Variants in LARGE1 observed in about 807,000 individuals in gnomAD.
LARGE1 encodes the protein xylosyl- and glucuronyltransferase LARGE1.
Under a neutral mutation model 87.6 loss-of-function variants are expected in LARGE1, and 43 were observed. That is an observed-to-expected ratio of 0.49 (90% CI 0.38 to 0.63). The LOEUF is 0.63. Among genes scored for constraint, LARGE1 ranks in the 30% least tolerant of loss-of-function variants. LARGE1 has a pLI of 0.00. For synonymous variants in LARGE1, 434 were observed against 394.6 expected, an observed-to-expected ratio of 1.10 and a Z score of -1.18; for missense variants, 802 against 1,000.2, an observed-to-expected ratio of 0.80 and a Z score of 2.67.
chr22:33,631,263 G>C (rs1336726445), intron 3 of LARGE1, among the ~76,000 whole-genome samples: 1 of 152,052 alleles, frequency 6.6e-6, no homozygotes, highest in Non-Finnish European at 1.5e-5. Flanking sequence ...GAAGTCCTGG[G>C]CTCAAGCAAT....
At chr22:33,417,694 G>A (rs575399421) in intron 7 of LARGE1, among the ~76,000 whole-genome samples, 4 of 152,284 alleles carry the variant, frequency 2.6e-5, no homozygotes, top group South Asian at 2.1e-4. Context: ...GCTCTTGCCC[G>A]GGGCTCTCGG....
intron 1 of LARGE1, among the ~76,000 whole-genome samples, chr22:33,903,323 G>C (rs1159977743): frequency 6.6e-6 from 1 of 152,096 alleles, no homozygotes; most frequent in East Asian, 1.9e-4. Flanking sequence ...CCTGATCTCA[G>C]ACTTCCAGCC....
At chr22:33,170,693 T>C (rs1922520341) in intron 11 of LARGE1, among the ~76,000 whole-genome samples, 2 of 152,204 alleles carry the variant, frequency 1.3e-5, no homozygotes, top group South Asian at 2.1e-4. Flanking sequence ...TCCCCAATCA[T>C]GCAGAACTGT....
At chr22:33,697,257 C>T (rs1322502870) in intron 2 of LARGE1, among the ~76,000 whole-genome samples, 1 of 152,132 alleles carries the variant, frequency 6.6e-6, no homozygotes, top group African/African-American at 2.4e-5. Flanking sequence ...TCTCGTCCTG[C>T]TTATACAGAT....
Position 33,522,248 on chromosome 22 carries a change from G to C in LARGE1, c.787+42600C>G, listed in dbSNP as rs952669549. On this transcript the variant is annotated intron_variant, in intron 6 of 14. Coordinates refer to ENST00000397394, the MANE Select transcript of LARGE1 (RefSeq NM_133642.5). ...GCTGTAACTGTATTACTGAGGAAGA[G>C]CAAGACAAATTTTTGGTGAAGAGTT... 2.0e-5 allele frequency among the ~76,000 whole-genome samples: 3 copies of C among 152,336 alleles called. No homozygotes were observed. In the East Asian group the frequency reaches 5.8e-4, roughly 29 times the overall value.
chr22:33,393,975 C>G (rs2065625184), intron 7 of LARGE1, among the ~76,000 whole-genome samples: 1 of 150,770 alleles, frequency 6.6e-6, no homozygotes, highest in Non-Finnish European at 1.5e-5. Flanking sequence ...AGCAACAGCT[C>G]AGTAATCAAG....
At chr22:33,329,030 G>C (rs1210659582) in intron 10 of LARGE1, among the ~76,000 whole-genome samples, 1 of 152,118 alleles carries the variant, frequency 6.6e-6, no homozygotes, top group Non-Finnish European at 1.5e-5. Context: ...GGCAAGCAGA[G>C]AAAGGTCTTA....
intron 6 of LARGE1, among the ~76,000 whole-genome samples, chr22:33,478,150 C>A (rs1325534262): frequency 2.6e-5 from 4 of 152,158 alleles, no homozygotes; most frequent in Non-Finnish European, 5.9e-5. Flanking sequence ...CCAGAGGGAG[C>A]AATAACATGG....
the LARGE1 span, among the ~76,000 whole-genome samples, chr22:33,144,114 T>C: frequency 1.3e-5 from 2 of 152,210 alleles, no homozygotes; most frequent in Admixed American, 1.3e-4. Context: ...GTTTATTATC[T>C]TTCAACTTTT....
At chr22:33,318,793 A>C (rs1022533560) in intron 10 of LARGE1, among the ~76,000 whole-genome samples, 1 of 148,164 alleles carries the variant, frequency 6.7e-6, no homozygotes, top group Non-Finnish European at 1.5e-5. Flanking sequence ...GGCTGGTTCC[A>C]TTTTTTTTTT....
intron 6 of LARGE1, among the ~76,000 whole-genome samples, chr22:33,532,817 G>C (rs1315928113): frequency 1.3e-5 from 2 of 152,162 alleles, no homozygotes; most frequent in African/African-American, 2.4e-5. Flanking sequence ...TGAGTGCCAA[G>C]TAGTGTTAGG....
At chr22:33,751,008 C>T (rs1374886208) in intron 2 of LARGE1, among the ~76,000 whole-genome samples, 1 of 152,170 alleles carries the variant, frequency 6.6e-6, no homozygotes, top group East Asian at 1.9e-4. Flanking sequence ...TAAGAAAATT[C>T]CTCTCATCTA....
At chr22:33,214,834 G>A (rs983674533) in intron 11 of LARGE1, among the ~76,000 whole-genome samples, 29 of 152,168 alleles carry the variant, frequency 1.9e-4, no homozygotes, top group African/African-American at 6.8e-4. Context: ...TTTGCGATGT[G>A]GCTTTATTCC....
chr22:33,506,414 C>G, intron 6 of LARGE1, among the ~76,000 whole-genome samples: 1 of 152,094 alleles, frequency 6.6e-6, no homozygotes, highest in East Asian at 1.9e-4. Flanking sequence ...CCTGTGTCCT[C>G]GAGGAAACCC....
chr22:33,205,031 A>G (rs1924608260), intron 11 of LARGE1, among the ~76,000 whole-genome samples: 1 of 140,112 alleles, frequency 7.1e-6, no homozygotes, highest in Non-Finnish European at 1.5e-5. Context: ...AGGACATATT[A>G]GGTTGAAAAA....
chr22:33,691,897 T>G (rs530530496), intron 2 of LARGE1, among the ~76,000 whole-genome samples: 1 of 152,292 alleles, frequency 6.6e-6, no homozygotes, highest in South Asian at 2.1e-4. Context: ...CCCCCGTATT[T>G]CTTTTCTCCT....
intron 2 of LARGE1, among the ~76,000 whole-genome samples, chr22:33,672,996 C>T (rs1325401686): frequency 1.3e-5 from 2 of 152,042 alleles, no homozygotes; most frequent in African/African-American, 2.4e-5. Flanking sequence ...TTGTGTTGGT[C>T]GGGTGTAGTG....
Position 33,208,892 on chromosome 22 carries a change from G to T in LARGE1, c.1731-42060C>A, listed in dbSNP as rs1307670892. Among the ~76,000 whole-genome samples the T allele has an allele frequency of 2.0e-5, 3 of 152,214 alleles. No individual in the cohort carries two copies. In the East Asian group the frequency reaches 5.8e-4, roughly 29 times the overall value. On this transcript the variant is annotated intron_variant, in intron 11 of 11. Coordinates refer to the LARGE1 transcript ENST00000608642. Reference sequence around the variant, plus strand: ...TAGCTTCATCCATGTCCCTGCAAAAGACATGAACTGATTCTTTTTTATGGC... The same window carrying T: ...TAGCTTCATCCATGTCCCTGCAAAATACATGAACTGATTCTTTTTTATGGC...
rs145816450 is a variant in LARGE1, at chr22:33,613,192, A to G, written c.492-8634T>C. Among the ~76,000 whole-genome samples the G allele has an allele frequency of 3.7e-4, 56 of 152,002 alleles. No individual in the cohort carries two copies. The East Asian group carries it at 0.01, about 28-fold the overall frequency. On this transcript the variant is annotated intron_variant, in intron 4 of 14. Transcript: ENST00000397394. ...GCTAACTATCAGCAGCTTGTGTCTG[A>G]CTCCTATCAGACAGCATGCTTGAGG...
Sources: gnomAD v4.1 joint callset for allele counts (sites outside exome capture counted in the v4.1 genomes callset) on GRCh38, gnomAD v4.1.1 for gene constraint, MANE v1.5 for transcripts, NCBI Gene and HGNC (gene_info 2026-07-23, HGNC 2026-07-21) for gene names.